Variants in C11orf65 observed in about 807,000 individuals in gnomAD.
The protein encoded by C11orf65 is protein MFI.
Under a neutral mutation model 35.3 loss-of-function variants are expected in C11orf65, and 38 were observed. That is an observed-to-expected ratio of 1.08 (90% CI 0.83 to 1.41). C11orf65 has a LOEUF of 1.41. Among genes scored for constraint, C11orf65 ranks in the 40% most tolerant of loss-of-function variants. The pLI is 0.00. For synonymous variants in C11orf65, 105 were observed against 114.4 expected (o/e 0.92, Z 0.53); for missense variants, 370 against 367.1 (o/e 1.01, Z -0.06).
intron 2 of C11orf65, among the ~76,000 whole-genome samples, chr11:108,448,512 A>G (rs1277739637): frequency 6.6e-6 from 1 of 152,330 alleles, no homozygotes; most frequent in African/African-American, 2.4e-5. Flanking sequence ...TCCAGCATAT[A>G]AACAGAACCA....
rs55772091 is a variant in C11orf65, at chr11:108,331,620, A to G, written c.300-53T>C. On this transcript the variant is annotated intron_variant, in intron 3 of 3. Transcript: ENST00000524755. The stretch of plus-strand genomic sequence containing the variant: ...TTATTCTATTATTACTATATATTAT[A>G]TAAAGTATATATACCATTCCCTCTA... 1.0e-3 allele frequency: 1,479 copies of G among 1,411,772 alleles called. 11 individuals carry two copies. In the African/African-American group the frequency reaches 0.02, roughly 19 times the overall value. The allele number at this position is 1,411,772 out of a possible 1,614,324, so 87.5% of individuals were successfully genotyped here.
At chr11:108,420,320 C>T (rs1408159184) in intron 3 of C11orf65, among the ~76,000 whole-genome samples, 2 of 152,068 alleles carry the variant, frequency 1.3e-5, no homozygotes, top group Non-Finnish European at 1.5e-5. Flanking sequence ...TATTAGGGCT[C>T]AATACCTATG....
At chr11:108,381,919 T>C (rs561360502), downstream of C11orf65, among the ~76,000 whole-genome samples, 3 of 143,196 alleles carry the variant, frequency 2.1e-5, no homozygotes, top group Admixed American at 1.5e-4. Flanking sequence ...TTAAAAGGCA[T>C]TGCGGCTTCC....
At chr11:108,367,188 C>T (rs757860493) in intron 2 of C11orf65, 10 of 177,520 alleles carry the variant, frequency 5.6e-5, no homozygotes, top group Non-Finnish European at 8.5e-5. Flanking sequence ...GGAGTTTCAC[C>T]GTGTTAGCCA....
rs572301723 is a variant in C11orf65 at position 108,326,178 on chromosome 11, A to T, written c.641-17107T>A. ...AAAAAAGGAGCAGAGTCTTGCCCTGAGTATTCTCAAGCAAATGATCAAGAA... is the reference window on the plus strand; with the variant it reads ...AAAAAAGGAGCAGAGTCTTGCCCTGTGTATTCTCAAGCAAATGATCAAGAA... On this transcript the variant is annotated intron_variant, in intron 6 of 6. Transcript: ENST00000525729. The T allele has an allele frequency of 6.2e-7, 1 of 1,614,208 alleles. No homozygotes were observed. The highest frequency in any genetic ancestry group is 1.1e-5 in the South Asian group (1 of 91,084).
chr11:108,327,894 GTA>G (rs1240563653), downstream of C11orf65: 4 of 781,880 alleles, frequency 5.1e-6, no homozygotes, highest in Admixed American at 8.6e-5. Flanking sequence ...TTGTAGCTCT[GTA>G]TAGTCTCTAG....
chr11:108,348,324 CATT>C (rs1330459486), intron 2 of C11orf65, among the ~76,000 whole-genome samples: 1 of 150,986 alleles, frequency 6.6e-6, no homozygotes, highest in African/African-American at 2.4e-5. Flanking sequence ...TAGTTTTGCT[CATT>C]ATTTTGAAGT....
chr11:108,312,913 T>C (rs2084299720), intron 6 of C11orf65, among the ~76,000 whole-genome samples: 3 of 152,226 alleles, frequency 2.0e-5, no homozygotes, highest in East Asian at 1.9e-4. Flanking sequence ...CTCATGTTAC[T>C]GTCTGGGATG....
At chr11:108,437,689 A>G (rs1030706363) in intron 2 of C11orf65, among the ~76,000 whole-genome samples, 5 of 127,408 alleles carry the variant, frequency 3.9e-5, no homozygotes, top group African/African-American at 1.5e-4. Flanking sequence ...CAGCCTGGTG[A>G]CAGGTGAGAC....
chr11:108,391,932 T>A (rs1396023385), intron 7 of C11orf65, among the ~76,000 whole-genome samples: 3 of 152,124 alleles, frequency 2.0e-5, no homozygotes, highest in Non-Finnish European at 2.9e-5. Context: ...TCTTTTTTTT[T>A]AAATAGAGGC....
chr11:108,354,924 T>G (rs758956006), intron 2 of C11orf65: 75 of 1,474,052 alleles, frequency 5.1e-5, no homozygotes, highest in Non-Finnish European at 6.7e-5. Context: ...CCAGGTAGAC[T>G]GTGTATCTCA....
intron 2 of C11orf65, among the ~76,000 whole-genome samples, chr11:108,358,901 C>A (rs1244283): frequency 5.7e-4 from 87 of 151,746 alleles, no homozygotes; most frequent in East Asian, 1.7e-3. Flanking sequence ...CGAACAAAAT[C>A]ACCAGCTAAC....
rs534724834 is a variant in C11orf65, at chr11:108,400,778, G to C, written c.560+4651C>G. Among the ~76,000 whole-genome samples the C allele has an allele frequency of 4.6e-5, 7 of 152,226 alleles. No homozygotes were observed. The East Asian group carries it at 1.4e-3, about 29-fold the overall frequency. On this transcript the variant is annotated intron_variant, in intron 6 of 8. Transcript: ENST00000393084. ...TTTCCCCACTGTCATCTCCAGCCTT[G>C]TAAAGGACAGCCACCACAGAGTTCA...
At chr11:108,423,757 C>T (rs1565677235) in intron 3 of C11orf65, among the ~76,000 whole-genome samples, 6 of 152,142 alleles carry the variant, frequency 3.9e-5, no homozygotes. Context: ...ACTGGTGATA[C>T]CCAGGCAAAT....
At chr11:108,357,382 T>C (rs911532776) in intron 2 of C11orf65, among the ~76,000 whole-genome samples, 3 of 152,200 alleles carry the variant, frequency 2.0e-5, no homozygotes, top group African/African-American at 4.8e-5. Flanking sequence ...GCGCCCGCCA[T>C]TGCCCAGGCT....
chr11:108,463,921 T>G (rs974090372), intron 1 of C11orf65, among the ~76,000 whole-genome samples: 1 of 139,652 alleles, frequency 7.2e-6, no homozygotes, highest in Non-Finnish European at 1.5e-5. Context: ...AAAAGATTTG[T>G]TAATTTTTTT....
chr11:108,464,209 A>T (rs1383286097), intron 1 of C11orf65, among the ~76,000 whole-genome samples: 1 of 151,850 alleles, frequency 6.6e-6, no homozygotes, highest in African/African-American at 2.4e-5. Context: ...TTACAGGCAT[A>T]AGCCATTGCG....
chr11:108,459,770 C>CACACACACACACACACACA (rs3221698), intron 2 of C11orf65, among the ~76,000 whole-genome samples: 4 of 140,500 alleles, frequency 2.8e-5, no homozygotes, highest in Admixed American at 7.4e-5. Flanking sequence ...CACACACACA[C>CACACACACACACACACACA]CTCTTTATTT....
intron 2 of C11orf65, among the ~76,000 whole-genome samples, chr11:108,348,211 A>G (rs681514): frequency 1.3e-5 from 2 of 151,214 alleles, no homozygotes; most frequent in Non-Finnish European, 1.5e-5. Flanking sequence ...GAAAGAATAT[A>G]TAGCTTCTAT....
Sources: gnomAD v4.1 joint callset for allele counts (sites outside exome capture counted in the v4.1 genomes callset) on GRCh38, gnomAD v4.1.1 for gene constraint, MANE v1.5 for transcripts, NCBI Gene and HGNC (gene_info 2026-07-23, HGNC 2026-07-21) for gene names.